ADGRB3: variants seen among roughly 807,000 people sequenced by gnomAD.
ADGRB3 encodes the protein adhesion G protein-coupled receptor B3, also known as brain-specific angiogenesis inhibitor 3.
In ADGRB3, 37 loss-of-function variants were observed where a neutral mutation model predicts 193.4. The observed-to-expected ratio is 0.19, with a 90% CI of 0.15 to 0.25. ADGRB3 has a LOEUF of 0.25. Among genes scored for constraint, ADGRB3 ranks in the 10% least tolerant of loss-of-function variants. The pLI is 1.00. For synonymous variants in ADGRB3, 690 were observed against 644.2 expected, an observed-to-expected ratio of 1.07 and a Z score of -1.08; for missense variants, 1,637 against 1,852.9, an observed-to-expected ratio of 0.88 and a Z score of 2.14.
intron 13 of ADGRB3, among the ~76,000 whole-genome samples, chr6:69,042,609 A>T (rs1451909423): frequency 6.6e-6 from 1 of 152,230 alleles, no homozygotes; most frequent in Non-Finnish European, 1.5e-5. Context: ...CTAACAAAAC[A>T]AATAGATGCT....
At chr6:68,786,030 T>C (rs1562028949) in intron 3 of ADGRB3, among the ~76,000 whole-genome samples, 4 of 151,920 alleles carry the variant, frequency 2.6e-5, no homozygotes, top group Non-Finnish European at 5.9e-5. Flanking sequence ...TTTGTTTGAG[T>C]TCATTGTAGA....
chr6:69,127,908 T>TG (rs10664649), intron 17 of ADGRB3, among the ~76,000 whole-genome samples: 60,479 of 151,134 alleles, frequency 0.4, 13,538 homozygotes, highest in East Asian at 0.83. Flanking sequence ...TTTTTTTTGT[T>TG]TTTTTTTTCT....
At chr6:68,646,985 G>A (rs1218536558) in intron 3 of ADGRB3, among the ~76,000 whole-genome samples, 1 of 152,164 alleles carries the variant, frequency 6.6e-6, no homozygotes, top group Admixed American at 6.5e-5. Context: ...GGGAATTTGG[G>A]TTGGAAACTT....
chr6:69,203,086 C>T (rs970104126), intron 17 of ADGRB3, among the ~76,000 whole-genome samples: 6 of 151,886 alleles, frequency 4.0e-5, no homozygotes, highest in Admixed American at 2.6e-4. Flanking sequence ...GGATAGAGTA[C>T]TGAGGTCTGA....
chr6:68,801,124 G>A (rs1767302607), intron 3 of ADGRB3, among the ~76,000 whole-genome samples: 1 of 152,116 alleles, frequency 6.6e-6, no homozygotes, highest in South Asian at 2.1e-4. Context: ...CAACCTGCTT[G>A]ATGCTCATAT....
Position 69,185,033 on chromosome 6 carries a change from C to T in ADGRB3, c.2481-48257C>T, listed in dbSNP as rs1319366356. Among the ~76,000 whole-genome samples the T allele has an allele frequency of 2.6e-5, 4 of 152,234 alleles. No homozygotes were observed. In the East Asian group the frequency reaches 7.7e-4, roughly 29 times the overall value. On this transcript the variant is annotated intron_variant, in intron 17 of 31. Transcript: ENST00000370598. ...TTAGACTTATCAAAGAGTTCACATC[C>T]TTAATTCATTATATTTTAATATTAC...
chr6:68,763,968 G>A (rs752258245), intron 3 of ADGRB3, among the ~76,000 whole-genome samples: 48 of 152,126 alleles, frequency 3.2e-4, no homozygotes, highest in Non-Finnish European at 5.3e-4. Flanking sequence ...AGCTACTCAG[G>A]AGGCTGAGAC....
At chr6:68,868,042 T>C (rs1186379256) in intron 3 of ADGRB3, among the ~76,000 whole-genome samples, 3 of 152,144 alleles carry the variant, frequency 2.0e-5, no homozygotes, top group Non-Finnish European at 4.4e-5. Flanking sequence ...TGGGAAGGCA[T>C]GATTGTGTTT....
chr6:68,650,658 AAAAC>A (rs1454351931), intron 3 of ADGRB3, among the ~76,000 whole-genome samples: 1 of 152,206 alleles, frequency 6.6e-6, no homozygotes. Flanking sequence ...AAACAAAACA[AAAAC>A]AAAACACATA....
intron 10 of ADGRB3, among the ~76,000 whole-genome samples, chr6:68,985,945 A>G (rs542000336): frequency 5.9e-5 from 9 of 152,260 alleles, no homozygotes; most frequent in African/African-American, 1.9e-4. Flanking sequence ...CTCACAGAGC[A>G]TGCTCTAGTT....
At chr6:68,845,980 A>G (rs541777117) in intron 3 of ADGRB3, among the ~76,000 whole-genome samples, 39 of 152,246 alleles carry the variant, frequency 2.6e-4, no homozygotes, top group African/African-American at 8.9e-4. Flanking sequence ...AGACTTGTTG[A>G]ATGTTTTTGA....
intron 20 of ADGRB3, among the ~76,000 whole-genome samples, chr6:69,276,333 A>C (rs1400814032): frequency 6.6e-6 from 1 of 152,214 alleles, no homozygotes; most frequent in Non-Finnish European, 1.5e-5. Context: ...GAAGAAATTA[A>C]AATAAGCAAT....
At chr6:69,218,068 CAAA>C (rs556270079) in intron 17 of ADGRB3, among the ~76,000 whole-genome samples, 7 of 81,240 alleles carry the variant, frequency 8.6e-5, no homozygotes, top group Non-Finnish European at 9.6e-5. Context: ...CTCCAGCTGA[CAAA>C]AAAAAAAAAA....
intron 20 of ADGRB3, among the ~76,000 whole-genome samples, chr6:69,284,123 T>A (rs1310826035): frequency 1.3e-5 from 2 of 152,196 alleles, no homozygotes; most frequent in East Asian, 3.9e-4. Context: ...GATTTATACT[T>A]GGAGTCATGT....
intron 3 of ADGRB3, among the ~76,000 whole-genome samples, chr6:68,784,887 T>C (rs1383177718): frequency 1.3e-5 from 2 of 152,138 alleles, no homozygotes; most frequent in African/African-American, 4.8e-5. Flanking sequence ...TGTTTTCTTT[T>C]CCTTCATAGA....
chr6:69,370,483 C>T (rs1769684335), intron 29 of ADGRB3, among the ~76,000 whole-genome samples: 1 of 152,082 alleles, frequency 6.6e-6, no homozygotes, highest in Non-Finnish European at 1.5e-5. Flanking sequence ...TTAGTCTAAT[C>T]CTTCAAGACT....
chr6:68,736,961 A>T, intron 3 of ADGRB3, among the ~76,000 whole-genome samples: 1 of 152,014 alleles, frequency 6.6e-6, no homozygotes, highest in East Asian at 1.9e-4. Flanking sequence ...CCTTTTGATA[A>T]GGATATTTTC....
At chr6:68,720,973 G>A (rs185019057) in intron 3 of ADGRB3, among the ~76,000 whole-genome samples, 144 of 151,826 alleles carry the variant, frequency 9.5e-4, no homozygotes, top group Admixed American at 6.6e-5. Flanking sequence ...CAAAATGGGC[G>A]AGATATACAC....
intron 3 of ADGRB3, among the ~76,000 whole-genome samples, chr6:68,903,949 G>T (rs1283950): frequency 0.96 from 139,630 of 144,716 alleles, 67,407 homozygotes; most frequent in East Asian, 1. Flanking sequence ...AGTAAACTGA[G>T]TGTGCCATTA....
Sources: gnomAD v4.1 joint callset for allele counts (sites outside exome capture counted in the v4.1 genomes callset) on GRCh38, gnomAD v4.1.1 for gene constraint, MANE v1.5 for transcripts, NCBI Gene and HGNC (gene_info 2026-07-23, HGNC 2026-07-21) for gene names.